The following MAP3K19 variants were observed in gnomAD, a reference collection of about 807,000 sequenced individuals.
The protein encoded by MAP3K19 is SPS1/STE20-related protein kinase YSK4.
A neutral mutation model predicts 114.4 loss-of-function variants in MAP3K19; 91 were observed. That is an observed-to-expected ratio of 0.80 (90% CI 0.67 to 0.95). MAP3K19 has a LOEUF of 0.95. MAP3K19 is among the 40% of genes least tolerant of loss of function. The pLI is 0.00. For missense variants in MAP3K19, 1,471 were observed against 1,573.2 expected, an observed-to-expected ratio of 0.94 and a Z score of 1.10; for synonymous variants, 518 against 530.5, an observed-to-expected ratio of 0.98 and a Z score of 0.32.
chr2:135,046,680 G>T (rs1250823752), intron 1 of MAP3K19, among the ~76,000 whole-genome samples: 1 of 151,978 alleles, frequency 6.6e-6, no homozygotes, highest in Non-Finnish European at 1.5e-5. Flanking sequence ...ATTTTTAATT[G>T]CATGCATGGT....
intron 12 of MAP3K19, among the ~76,000 whole-genome samples, chr2:134,969,322 G>C (rs1036574449): frequency 6.6e-6 from 1 of 152,144 alleles, no homozygotes; most frequent in African/African-American, 2.4e-5. Flanking sequence ...GCTTCAGCTC[G>C]GCATCAGAGG....
At position 134,981,282 on chromosome 2, in the gene MAP3K19, G is replaced by T; in HGVS notation, c.3459C>A (p.Asn1153Lys). The T allele has an allele frequency of 6.2e-7, 1 of 1,614,196 alleles. No individual in the cohort carries two copies. Among genetic ancestry groups the T allele is most frequent in the South Asian group, 1.1e-5 (1 of 91,086 alleles). The change falls in exon 12 of 13, where the codon AAC (asparagine) becomes AAA (lysine). Residue 1153 changes from asparagine (N) to lysine (K), a missense_variant. Asn to Lys is a moderately conservative substitution (Grantham distance 94, BLOSUM62 0). Transcript: ENST00000392915. ...VPGGSISSII[N>K]RFGPLPEMVF... ...CCATCTCAGGCAATGGCCCAAAACG[G>T]TTTATAATACTAGAGATTGAGCCAC...
Position 134,980,904 on chromosome 2 carries a change from G to C in MAP3K19, c.3837C>G (p.Ile1279Met), listed in dbSNP as rs149473090. ...GAGGCATCAGCCCTCGGTGTGCTCC[G>C]ATGTAAAACATGGCGGCCATCCTGT... Reference protein sequence around the residue: ...SMDRMAAMFYIGAHRGLMPPL... With the variant: ...SMDRMAAMFYMGAHRGLMPPL... Residue 1279 changes from isoleucine (I) to methionine (M), a missense_variant, in exon 12 of 13, where the codon ATC becomes ATG. Coordinates refer to ENST00000392915, the MANE Select transcript of MAP3K19 (RefSeq NM_025052.5). The C allele has an allele frequency of 1.9e-6, 3 of 1,614,096 alleles. No homozygotes were observed. The highest frequency in any genetic ancestry group is 1.7e-5 in the Admixed American group (1 of 60,006).
chr2:134,989,503 A>C (rs1196334144), intron 9 of MAP3K19, among the ~76,000 whole-genome samples: 1 of 152,198 alleles, frequency 6.6e-6, no homozygotes, highest in African/African-American at 2.4e-5. Context: ...ATTTCTCAAA[A>C]ATGACTTAGG....
chr2:135,015,019 G>A (rs186555441), intron 5 of MAP3K19, among the ~76,000 whole-genome samples: 208 of 152,276 alleles, frequency 1.4e-3, no homozygotes, highest in Middle Eastern at 3.4e-3. Context: ...ATAATATGTA[G>A]CTTATGGTAA....
chr2:135,032,020 A>C (rs966402140), intron 2 of MAP3K19, among the ~76,000 whole-genome samples: 1 of 152,162 alleles, frequency 6.6e-6, no homozygotes, highest in Non-Finnish European at 1.5e-5. Flanking sequence ...GATAACAGCA[A>C]GAGTTGGAAA....
chr2:135,019,546 G>C (rs957854284), intron 5 of MAP3K19, among the ~76,000 whole-genome samples: 1 of 152,204 alleles, frequency 6.6e-6, no homozygotes, highest in Non-Finnish European at 1.5e-5. Context: ...CAGCTAGTCA[G>C]GAGGCTGAGG....
Position 134,964,740 on chromosome 2 carries a change from G to T in MAP3K19, c.*110C>A. 1.2e-6 allele frequency: 1 copy of T among 839,322 alleles called. No individual in the cohort carries two copies. 52.0% of individuals were successfully genotyped at this position (839,322 alleles called of 1,614,324 possible). ...TGACTCCATAGGATCTGCTTAAACT[G>T]GGTTAGACTGAATTTTCAGTGGGGA... On this transcript the variant is annotated 3_prime_UTR_variant, in exon 13 of 13. Transcript: ENST00000392915.
chr2:135,017,929 T>G (rs1358180629), intron 5 of MAP3K19, among the ~76,000 whole-genome samples: 1 of 152,136 alleles, frequency 6.6e-6, no homozygotes, highest in African/African-American at 2.4e-5. Flanking sequence ...ACGGTACCAA[T>G]TTGACAGTGA....
intron 5 of MAP3K19, among the ~76,000 whole-genome samples, chr2:135,014,151 G>A (rs894648202): frequency 6.6e-6 from 1 of 152,098 alleles, no homozygotes; most frequent in Non-Finnish European, 1.5e-5. Flanking sequence ...CCAGGAGTTC[G>A]AGATCAGCCT....
chr2:134,983,198 C>A (rs767120489), intron 11 of MAP3K19: 33 of 533,300 alleles, frequency 6.2e-5, no homozygotes, highest in Non-Finnish European at 1.2e-4. Context: ...ATCGCCCACC[C>A]CCCAAGATCT....
At chr2:135,027,487 C>A (rs952076027) in intron 3 of MAP3K19, among the ~76,000 whole-genome samples, 1 of 152,068 alleles carries the variant, frequency 6.6e-6, no homozygotes, top group African/African-American at 2.4e-5. Context: ...CTGTAAATAA[C>A]AATTGAATTG....
chr2:134,995,761 A>T (rs1296063568), intron 8 of MAP3K19, among the ~76,000 whole-genome samples: 1 of 152,214 alleles, frequency 6.6e-6, no homozygotes, highest in African/African-American at 2.4e-5. Flanking sequence ...AGAGACATTG[A>T]ATATTGATTT....
At chr2:134,980,621 C>T in intron 12 of MAP3K19, 200 bp downstream of exon 12, 1 of 564,126 alleles carries the variant, frequency 1.8e-6, no homozygotes, top group South Asian at 2.4e-5. Flanking sequence ...CTACTTGAAG[C>T]ATTGCCTCCT....
chr2:134,969,315 T>G (rs1450070976), intron 12 of MAP3K19, among the ~76,000 whole-genome samples: 1 of 152,004 alleles, frequency 6.6e-6, no homozygotes, highest in African/African-American at 2.4e-5. Flanking sequence ...CAGTCCAGCT[T>G]CAGCTCGGCA....
At chr2:135,030,231 C>T (rs937150887) in intron 3 of MAP3K19, 81 bp downstream of exon 3, 5 of 152,410 alleles carry the variant, frequency 3.3e-5, no homozygotes, top group African/African-American at 1.2e-4. Context: ...ATTTATTTTT[C>T]TTTAAAAGGA....
chr2:134,984,813 G>C (rs562234530), intron 10 of MAP3K19, among the ~76,000 whole-genome samples: 1 of 152,262 alleles, frequency 6.6e-6, no homozygotes, highest in South Asian at 2.1e-4. Context: ...TTATCCAGGC[G>C]TGGTGGTGAG....
chr2:135,010,410 A>G lies in MAP3K19; in HGVS notation c.139-4879T>C, dbSNP rs1687140669. ...TAAGATGTGCTTGGGTGCCACAAGG[A>G]GGAGAATTGAAATAGTGTCATCTAG... On this transcript the variant is annotated intron_variant, in intron 5 of 12. Transcript: ENST00000392915. 5.3e-5 allele frequency among the ~76,000 whole-genome samples: 8 copies of G among 152,202 alleles called. No individual in the cohort carries two copies. The South Asian group carries it at 1.4e-3, about 28-fold the overall frequency.
chr2:135,029,233 G>A (rs1037753965), intron 3 of MAP3K19, among the ~76,000 whole-genome samples: 2 of 152,080 alleles, frequency 1.3e-5, no homozygotes, highest in Non-Finnish European at 2.9e-5. Context: ...AAAATTAGAC[G>A]GGCATGGTGG....
Sources: allele counts gnomAD v4.1 joint callset (sites outside exome capture counted in the v4.1 genomes callset), GRCh38; gene constraint gnomAD v4.1.1; transcripts MANE v1.5; gene names NCBI Gene and HGNC (gene_info 2026-07-23, HGNC 2026-07-21).